Variants in GLCCI1 observed in about 807,000 individuals in gnomAD.
GLCCI1 encodes glucocorticoid induced 1, also known as glucocorticoid-induced transcript 1 protein.
Under a neutral mutation model 52.2 loss-of-function variants are expected in GLCCI1, and 24 were observed. That is an observed-to-expected ratio of 0.46 (90% CI 0.33 to 0.65). The LOEUF (loss-of-function observed/expected upper bound fraction) is 0.65, where lower values mean the gene tolerates loss of function less well. GLCCI1 is among the 30% of genes least tolerant of loss of function. GLCCI1 has a pLI of 0.02. For synonymous variants in GLCCI1, 310 were observed against 276.5 expected (o/e 1.12, Z -1.20); for missense variants, 704 against 701.5 (o/e 1.00, Z -0.04).
At chr7:8,028,250 A>G (rs1781663912) in intron 3 of GLCCI1, among the ~76,000 whole-genome samples, 1 of 152,230 alleles carries the variant, frequency 6.6e-6, no homozygotes, top group Non-Finnish European at 1.5e-5. Flanking sequence ...AATTGAAATA[A>G]TATCAGGAAT....
intron 4 of GLCCI1, among the ~76,000 whole-genome samples, chr7:8,058,165 AAT>A (rs1317250970): frequency 6.6e-6 from 1 of 152,180 alleles, no homozygotes; most frequent in Admixed American, 6.5e-5. Flanking sequence ...TTATATTAGT[AAT>A]GTTTCAAAAT....
chr7:8,018,285 AT>A (rs554115750), intron 2 of GLCCI1, among the ~76,000 whole-genome samples: 1 of 151,984 alleles, frequency 6.6e-6, no homozygotes, highest in African/African-American at 2.4e-5. Flanking sequence ...TTGTTGATGG[AT>A]TTTTTTTAAG....
chr7:8,064,082 G>T (rs1426751400), intron 5 of GLCCI1, among the ~76,000 whole-genome samples: 2 of 152,144 alleles, frequency 1.3e-5, no homozygotes, highest in African/African-American at 4.8e-5. Context: ...GAAACCTATT[G>T]TTGTGCAGAA....
intron 1 of GLCCI1, among the ~76,000 whole-genome samples, chr7:7,997,872 A>T (rs1780966323): frequency 6.6e-6 from 1 of 152,038 alleles, no homozygotes; most frequent in East Asian, 1.9e-4. Flanking sequence ...GGTTACAGTG[A>T]GCCGAGATCA....
intron 3 of GLCCI1, among the ~76,000 whole-genome samples, chr7:8,049,603 CA>C (rs1782212477): frequency 6.6e-6 from 1 of 152,020 alleles, no homozygotes; most frequent in South Asian, 2.1e-4. Flanking sequence ...AGAAACTTAC[CA>C]GTAAGTTAAT....
intron 1 of GLCCI1, among the ~76,000 whole-genome samples, chr7:7,999,414 C>G (rs1252341902): frequency 6.6e-6 from 1 of 152,070 alleles, no homozygotes; most frequent in East Asian, 1.9e-4. Flanking sequence ...TTGAAACCAT[C>G]TTGAGCAACA....
intron 3 of GLCCI1, among the ~76,000 whole-genome samples, chr7:8,030,516 A>T (rs1183907238): frequency 6.6e-6 from 1 of 152,186 alleles, no homozygotes; most frequent in African/African-American, 2.4e-5. Context: ...AGCACAGGCC[A>T]TCAAAGCAAA....
chr7:8,035,706 C>T (rs1781851717), intron 3 of GLCCI1, among the ~76,000 whole-genome samples: 1 of 152,196 alleles, frequency 6.6e-6, no homozygotes, highest in African/African-American at 2.4e-5. Context: ...CTTGGCTACA[C>T]TGCAGTGTGG....
At chr7:8,029,704 G>T (rs200748833) in intron 3 of GLCCI1, among the ~76,000 whole-genome samples, 1 of 143,450 alleles carries the variant, frequency 7.0e-6, no homozygotes, top group Non-Finnish European at 1.5e-5. Flanking sequence ...GATAAATTCA[G>T]TTAAGTTGCA....
At chr7:8,063,625 T>G (rs1173747969) in intron 5 of GLCCI1, among the ~76,000 whole-genome samples, 2 of 148,208 alleles carry the variant, frequency 1.3e-5, no homozygotes, top group African/African-American at 5.0e-5. Flanking sequence ...CTTTTTTTTT[T>G]TTTTTTTTTT....
chr7:7,969,345 G>C lies in GLCCI1; in HGVS notation c.-6G>C. The C allele has an allele frequency of 3.4e-6, 5 of 1,478,832 alleles. No homozygotes were observed. Among genetic ancestry groups the C allele is most frequent in the Non-Finnish European group, 3.6e-6 (4 of 1,115,858 alleles). The allele number at this position is 1,478,832 out of a possible 1,614,324, so 91.6% of individuals were successfully genotyped here. A position where few individuals can be genotyped will look rare whatever the true frequency, so the allele number is the denominator to read the frequency against. Reference sequence around the variant, plus strand: ...GCCGGCGGCGTCCAGGGCCCGCAGAGCCACCATGTCCACTGCCTCCTCCTC... The same window carrying C: ...GCCGGCGGCGTCCAGGGCCCGCAGACCCACCATGTCCACTGCCTCCTCCTC... On this transcript the variant is annotated 5_prime_UTR_variant, in exon 1 of 8. Transcript: ENST00000223145. The surrounding 1 kb of genome is among the most constrained non-coding windows in gnomAD (Gnocchi z 4.9).
intron 5 of GLCCI1, among the ~76,000 whole-genome samples, chr7:8,067,991 C>T (rs1046255612): frequency 2.0e-5 from 3 of 152,128 alleles, no homozygotes; most frequent in African/African-American, 7.2e-5. Flanking sequence ...GATGCCAGTG[C>T]ATCGTGGATT....
chr7:8,037,109 T>C (rs992381464), intron 3 of GLCCI1, among the ~76,000 whole-genome samples: 1 of 147,528 alleles, frequency 6.8e-6, no homozygotes, highest in Admixed American at 6.8e-5. Context: ...ACAAAGTCAG[T>C]GTGAAGGAAA....
intron 3 of GLCCI1, among the ~76,000 whole-genome samples, chr7:8,045,303 G>C (rs556486122): frequency 6.6e-6 from 1 of 152,224 alleles, no homozygotes; most frequent in East Asian, 1.9e-4. Flanking sequence ...CACTCGCTCA[G>C]ACTGGGACCA....
chr7:7,973,440 G>GTGTGTGTT (rs1487059008), intron 1 of GLCCI1, among the ~76,000 whole-genome samples: 1 of 151,196 alleles, frequency 6.6e-6, no homozygotes, highest in Non-Finnish European at 1.5e-5. Context: ...GTGTGTGTGT[G>GTGTGTGTT]TTTTGTAAAG....
chr7:8,008,836 T>G (rs938275778), intron 2 of GLCCI1, among the ~76,000 whole-genome samples: 7 of 152,032 alleles, frequency 4.6e-5, no homozygotes, highest in African/African-American at 9.7e-5. Flanking sequence ...GCTGGTGGAG[T>G]AAATAGAGCA....
At chr7:8,080,570 C>T in intron 6 of GLCCI1, among the ~76,000 whole-genome samples, 1 of 151,378 alleles carries the variant, frequency 6.6e-6, no homozygotes. Flanking sequence ...CCTGGACAAC[C>T]TGGTACTCCA....
At chr7:7,989,577 C>G (rs1418335093) in intron 1 of GLCCI1, among the ~76,000 whole-genome samples, 1 of 151,980 alleles carries the variant, frequency 6.6e-6, no homozygotes, top group African/African-American at 2.4e-5. Context: ...TGAGGCTCTT[C>G]CCAAAAGTCT....
chr7:8,047,547 A>T (rs768972241), intron 3 of GLCCI1, among the ~76,000 whole-genome samples: 14 of 152,238 alleles, frequency 9.2e-5, no homozygotes, highest in Non-Finnish European at 1.3e-4. Flanking sequence ...AGCATTCATT[A>T]TCAGCCTTTG....
Sources: gnomAD v4.1 joint callset for allele counts (sites outside exome capture counted in the v4.1 genomes callset) on GRCh38, gnomAD v4.1.1 for gene constraint, Gnocchi (gnomAD v3.1) non-coding constraint, MANE v1.5 for transcripts, NCBI Gene and HGNC (gene_info 2026-07-23, HGNC 2026-07-21) for gene names.